Variants in FRY observed in about 807,000 individuals in gnomAD.
The protein encoded by FRY is FRY microtubule binding protein, also known as protein furry homolog.
A neutral mutation model predicts 348.4 loss-of-function variants in FRY; 128 were observed. The observed-to-expected ratio is 0.37, with a 90% CI of 0.32 to 0.43. FRY has a LOEUF of 0.43. Ranked by LOEUF, FRY falls within the 20% of genes least tolerant of loss-of-function variation. FRY has a pLI of 1.00. For synonymous variants in FRY, 1,370 were observed against 1,374.7 expected, an observed-to-expected ratio of 1.00 and a Z score of 0.08; for missense variants, 2,736 against 3,695.2, an observed-to-expected ratio of 0.74 and a Z score of 6.73.
At chr13:32,235,950 T>C in intron 42 of FRY, 128 bp from the exon 43 acceptor site, 1 of 765,802 alleles carries the variant, frequency 1.3e-6, no homozygotes, top group South Asian at 1.5e-5. Context: ...CCTTAAAGCT[T>C]ATTTTAGACT....
chr13:32,233,185 C>T (rs775300368), intron 41 of FRY, among the ~76,000 whole-genome samples: 3 of 152,158 alleles, frequency 2.0e-5, no homozygotes, highest in South Asian at 2.1e-4. Flanking sequence ...TCTGCAGGAA[C>T]ATTTTCTTGT....
intron 7 of FRY, among the ~76,000 whole-genome samples, chr13:32,129,106 T>C (rs1017432653): frequency 2.0e-5 from 3 of 152,218 alleles, no homozygotes; most frequent in African/African-American, 7.2e-5. Flanking sequence ...CCCAGTCATG[T>C]TGGAGTCCTT....
intron 11 of FRY, among the ~76,000 whole-genome samples, chr13:32,139,388 G>C (rs1183938308): frequency 6.6e-6 from 1 of 152,192 alleles, no homozygotes; most frequent in Non-Finnish European, 1.5e-5. Flanking sequence ...CTTCAGGATA[G>C]TGAACTTCGC....
rs552249398 is a variant in FRY, at chr13:32,273,222, CTTTTT to C, written c.8137-1605_8137-1601del. ...ACCTTAAGCGAGTCATTTAACTGTT[CTTTTT>C]TTTTTTTTTTTTTTGAGACGGAGTC... On this transcript the variant is annotated intron_variant, in intron 55 of 60. Transcript: ENST00000542859. Among the ~76,000 whole-genome samples, 536 of 124,158 alleles carry C rather than the reference CTTTTT, an allele frequency of 4.3e-3. 1 individual carries two copies. Among genetic ancestry groups the C allele is most frequent in the Middle Eastern group, 0.036 (8 of 224 alleles). The allele number at this position is 124,158 out of a possible 152,430, so 81.5% of individuals were successfully genotyped here.
intron 58 of FRY, among the ~76,000 whole-genome samples, chr13:32,285,601 A>T (rs1889005226): frequency 6.6e-6 from 1 of 152,220 alleles, no homozygotes; most frequent in African/African-American, 2.4e-5. Context: ...AACTGATTTG[A>T]TGACCTCCTT....
In FRY at chr13:32,297,559, A is replaced by G. The variant is rs1007585448; in HGVS notation, c.*2099A>G. ...TACAATCCAAGATATTAACATAGGAAGCAGTGGTCTGTGTTTTTCTCAATT... is the reference window on the plus strand; with the variant it reads ...TACAATCCAAGATATTAACATAGGAGGCAGTGGTCTGTGTTTTTCTCAATT... On this transcript the variant is annotated 3_prime_UTR_variant, in exon 61 of 61. Coordinates refer to ENST00000542859, the MANE Select transcript of FRY (RefSeq NM_023037.3). The G allele has an allele frequency of 2.6e-5, 4 of 152,232 alleles. No individual in the cohort carries two copies. The highest frequency in any genetic ancestry group is 4.8e-5 in the African/African-American group (2 of 41,462). The allele number at this position is 152,232 out of a possible 1,614,324, so 9.4% of individuals were successfully genotyped here.
chr13:32,258,107 G>T (rs1593810943), intron 51 of FRY: 1 of 729,242 alleles, frequency 1.4e-6, no homozygotes, highest in East Asian at 2.6e-5. Context: ...CCATTTAGGT[G>T]TGTGATATAA....
intron 46 of FRY, among the ~76,000 whole-genome samples, chr13:32,240,642 T>G (rs1213126152): frequency 6.6e-6 from 1 of 152,210 alleles, no homozygotes; most frequent in African/African-American, 2.4e-5. Flanking sequence ...GTTTAGCATC[T>G]TCAGTCTCCA....
At chr13:32,268,589 T>G (rs1295931556) in intron 55 of FRY, among the ~76,000 whole-genome samples, 1 of 146,172 alleles carries the variant, frequency 6.8e-6, no homozygotes, top group Non-Finnish European at 1.5e-5. Context: ...ATGAAAATTA[T>G]ACACCAGAAT....
At chr13:32,152,284 T>A (rs904345110) in intron 14 of FRY, among the ~76,000 whole-genome samples, 6 of 152,130 alleles carry the variant, frequency 3.9e-5, no homozygotes, top group Non-Finnish European at 7.4e-5. Context: ...AAAATTTATA[T>A]GGAAAATCAA....
At chr13:32,051,939 T>C (rs1214325279) in intron 1 of FRY, among the ~76,000 whole-genome samples, 1 of 152,262 alleles carries the variant, frequency 6.6e-6, no homozygotes, top group Non-Finnish European at 1.5e-5. Context: ...AAAAATTTTT[T>C]CCCTAGTCAG....
chr13:32,032,116 G>T (rs1294683425), intron 1 of FRY, among the ~76,000 whole-genome samples: 1 of 151,906 alleles, frequency 6.6e-6, no homozygotes, highest in African/African-American at 2.4e-5. Context: ...TGCAAAGGCT[G>T]CAATGGAATT....
intron 2 of FRY, among the ~76,000 whole-genome samples, chr13:32,080,102 A>T (rs1331014021): frequency 2.0e-5 from 3 of 152,230 alleles, no homozygotes; most frequent in Non-Finnish European, 2.9e-5. Context: ...AACTTTGCAC[A>T]TTAAAATTTT....
intron 7 of FRY, among the ~76,000 whole-genome samples, chr13:32,125,994 G>A (rs1045224685): frequency 6.6e-6 from 1 of 152,084 alleles, no homozygotes; most frequent in East Asian, 1.9e-4. Flanking sequence ...TTTTGCATGA[G>A]GCTATATTGT....
intron 35 of FRY, among the ~76,000 whole-genome samples, chr13:32,214,343 T>C (rs56079676): frequency 0.24 from 36,759 of 152,196 alleles, 4,711 homozygotes; most frequent in African/African-American, 0.33. Context: ...ACCAAGCTTG[T>C]CCAACCTGCG....
At chr13:32,036,336 C>T (rs1358725275) in intron 1 of FRY, among the ~76,000 whole-genome samples, 2 of 152,186 alleles carry the variant, frequency 1.3e-5, no homozygotes, top group East Asian at 1.9e-4. Flanking sequence ...GTCCCATCCA[C>T]ACCCTCTCTA....
chr13:32,228,570 A>G lies in FRY; in HGVS notation c.5321A>G (p.Gln1774Arg). ...SLGGSSGNLP[Q>R]MTQEVEDVDT... is the part of the protein sequence containing the mutation. The stretch of plus-strand genomic sequence containing the variant: ...GGAGGCAGCAGTGGAAACCTCCCAC[A>G]GATGACCCAGGAGGTAGAAGATGTG... Residue 1774 changes from glutamine (Q) to arginine (R), a missense_variant, in exon 40 of 61, where the codon CAG becomes CGG. By Grantham distance (43) the Gln-to-Arg change is conservative. This residue lies in a region of FRY where 794 missense variants were observed against 977.0 expected (regional missense o/e 0.81). Transcript: ENST00000542859. The G allele has an allele frequency of 6.2e-7, 1 of 1,613,994 alleles. No individual in the cohort carries two copies. The highest frequency in any genetic ancestry group is 8.5e-7 in the Non-Finnish European group (1 of 1,179,860).
chr13:32,244,015 G>T, intron 46 of FRY, 27 bp from the exon 47 acceptor site: 1 of 1,612,540 alleles, frequency 6.2e-7, no homozygotes, highest in South Asian at 1.1e-5. Flanking sequence ...GTGTGTGACT[G>T]ACTCCAGCCG....
chr13:32,071,014 A>T (rs1314540041), intron 1 of FRY, among the ~76,000 whole-genome samples: 1 of 152,120 alleles, frequency 6.6e-6, no homozygotes, highest in East Asian at 1.9e-4. Context: ...CAAAGATCAG[A>T]TGGTTGTAGA....
Sources: allele counts gnomAD v4.1 joint callset (sites outside exome capture counted in the v4.1 genomes callset), GRCh38; gene constraint gnomAD v4.1.1; regional missense constraint gnomAD v4.1.1; transcripts MANE v1.5; gene names NCBI Gene and HGNC (gene_info 2026-07-23, HGNC 2026-07-21).